ZFYVE21: variants seen among roughly 807,000 people sequenced by gnomAD.
ZFYVE21 encodes the protein zinc finger FYVE-type containing 21, also known as zinc finger FYVE domain-containing protein 21.
Under a neutral mutation model 29.5 loss-of-function variants are expected in ZFYVE21, and 21 were observed. The ratio of observed to expected loss-of-function variants is 0.71; its 90% CI spans 0.50 to 1.02. The LOEUF (loss-of-function observed/expected upper bound fraction) is 1.02. ZFYVE21 is among the 50% of genes least tolerant of loss of function. The probability of loss-of-function intolerance (pLI) is 0.00; values close to 1 mark genes in which losing one functional copy is unlikely to be tolerated. For synonymous variants in ZFYVE21, 151 were observed against 133.8 expected (o/e 1.13, Z -0.89); for missense variants, 326 against 335.4 (o/e 0.97, Z 0.22).
At chr14:103,729,206 T>G in intron 5 of ZFYVE21, 24 bp downstream of exon 5, 1 of 1,612,642 alleles carries the variant, frequency 6.2e-7, no homozygotes, top group Non-Finnish European at 8.5e-7. Flanking sequence ...CGTCCTTTCC[T>G]AAGCCAGGAG....
intron 5 of ZFYVE21, 49 bp from the exon 6 acceptor site, chr14:103,732,571 G>A (rs1472251068): frequency 1.3e-6 from 2 of 1,512,088 alleles, no homozygotes; most frequent in Non-Finnish European, 1.8e-6. Flanking sequence ...TGGCCGCCTG[G>A]GCACTCAGGG....
chr14:103,730,105 T>G, intron 5 of ZFYVE21: 1 of 512,140 alleles, frequency 2.0e-6, no homozygotes, highest in Non-Finnish European at 3.5e-6. Flanking sequence ...TCTCTGTCAG[T>G]ACCTGCCAGC....
At chr14:103,729,253 C>A in intron 5 of ZFYVE21, 71 bp downstream of exon 5, 1 of 1,528,188 alleles carries the variant, frequency 6.5e-7, no homozygotes, top group Non-Finnish European at 9.0e-7. Flanking sequence ...GAGGAGCATG[C>A]ACTTTTGGGA....
intron 6 of ZFYVE21, 46 bp from the exon 7 acceptor site, chr14:103,732,937 A>G (rs375406891): frequency 1.5e-4 from 241 of 1,613,812 alleles, no homozygotes; most frequent in Non-Finnish European, 1.9e-4. Flanking sequence ...TCCACCAGGC[A>G]CAGGACCAAG....
intron 1 of ZFYVE21, 178 bp from the exon 2 acceptor site, chr14:103,726,614 C>T (rs2083926972): frequency 1.3e-6 from 1 of 760,590 alleles, no homozygotes; most frequent in Non-Finnish European, 2.2e-6. Flanking sequence ...CGCATTGGCT[C>T]TGGAGCCTGG....
At chr14:103,726,651 C>T (rs1344971883) in intron 1 of ZFYVE21, 141 bp from the exon 2 acceptor site, 7 of 1,057,980 alleles carry the variant, frequency 6.6e-6, no homozygotes, top group Non-Finnish European at 8.6e-6. Flanking sequence ...CACCGTCCTG[C>T]GTCACAACCC....
At chr14:103,726,948 G>GTTTTTTTTTTGTTT in intron 2 of ZFYVE21, 106 bp downstream of exon 2, 2 of 660,978 alleles carry the variant, frequency 3.0e-6, no homozygotes, top group African/African-American at 4.1e-5. Flanking sequence ...CTTATGGCTC[G>GTTTTTTTTTTGTTT]TTTTTTTTTT....
chr14:103,728,073 ATAG>A, intron 3 of ZFYVE21, 159 bp downstream of exon 3: 1 of 761,992 alleles, frequency 1.3e-6, no homozygotes, highest in Non-Finnish European at 2.0e-6. Context: ...AGAAGCGGTT[ATAG>A]AGCCTTCCCT....
intron 2 of ZFYVE21, chr14:103,727,311 C>T (rs1026038784): frequency 4.1e-5 from 15 of 366,802 alleles, no homozygotes; most frequent in Non-Finnish European, 6.9e-5. Flanking sequence ...CTGATTCTGC[C>T]GGACGCTATG....
intron 5 of ZFYVE21, chr14:103,729,456 A>G (rs939979728): frequency 1.8e-6 from 1 of 568,800 alleles, no homozygotes; most frequent in South Asian, 2.2e-5. Context: ...GCTCTAACGT[A>G]TCATTCGGTT....
At chr14:103,724,057 G>T (rs920390816) in intron 1 of ZFYVE21, among the ~76,000 whole-genome samples, 4 of 152,228 alleles carry the variant, frequency 2.6e-5, no homozygotes, top group Non-Finnish European at 5.9e-5. Flanking sequence ...GCAGGGAAGA[G>T]TCCCCATGCC....
Position 103,727,821 on chromosome 14 carries a change from T to C in ZFYVE21, c.265T>C (p.Phe89Leu). The C allele has an allele frequency of 6.2e-7, 1 of 1,613,176 alleles. No individual in the cohort carries two copies. Among genetic ancestry groups the C allele is most frequent in the Non-Finnish European group, 8.5e-7 (1 of 1,179,918 alleles). The part of the protein sequence containing the change: ...SQKVPLRRMC[F>L]VDPVRQCAEC... ...GAAGGTGCCGCTGCGGCGCATGTGCTTTGTGGACCCCGTGCGGCAGTGCGC... is the reference window on the plus strand; with the variant it reads ...GAAGGTGCCGCTGCGGCGCATGTGCCTTGTGGACCCCGTGCGGCAGTGCGC... The change falls in exon 3 of 7, where the codon TTT (phenylalanine) becomes CTT (leucine). Residue 89 changes from phenylalanine (F) to leucine (L), a missense_variant. Physicochemically the swap from Phe to Leu is conservative, Grantham distance 22 (BLOSUM62 0). Coordinates refer to ENST00000311141, the MANE Select transcript of ZFYVE21 (RefSeq NM_024071.4).
intron 5 of ZFYVE21, chr14:103,729,989 G>A: frequency 1.1e-6 from 1 of 925,062 alleles, no homozygotes; most frequent in Non-Finnish European, 1.6e-6. Context: ...ACTTAAGAGA[G>A]ATGTTGGATC....
chr14:103,722,823 A>T (rs984474550), intron 1 of ZFYVE21, among the ~76,000 whole-genome samples: 2 of 151,994 alleles, frequency 1.3e-5, no homozygotes, highest in Non-Finnish European at 2.9e-5. Flanking sequence ...AAAAAAAAAA[A>T]AATGTTCGTA....
At chr14:103,729,841 C>T (rs1434712567) in intron 5 of ZFYVE21, 3 of 1,536,168 alleles carry the variant, frequency 2.0e-6, no homozygotes, top group Non-Finnish European at 2.6e-6. Flanking sequence ...CAGCCTGCCT[C>T]TGAAGGTCAG....
chr14:103,715,993 G>A lies in ZFYVE21; in HGVS notation c.138+14G>A, dbSNP rs916677600. The stretch of plus-strand genomic sequence containing the variant: ...CCGGACAAGGAGGTGGGTGGCCGTC[G>A]CCCCGGCCAGCGCCTCCGACCCGCC... On this transcript the variant is annotated intron_variant, in intron 1 of 6. Coordinates refer to ENST00000311141, the MANE Select transcript of ZFYVE21 (RefSeq NM_024071.4). 24 of 1,242,266 alleles carry A rather than the reference G, an allele frequency of 1.9e-5. No individual in the cohort carries two copies. The highest frequency in any genetic ancestry group is 2.4e-5 in the Non-Finnish European group (24 of 983,890). The allele number at this position is 1,242,266 out of a possible 1,614,324, so 77.0% of individuals were successfully genotyped here.
chr14:103,723,502 A>G (rs906116587), intron 1 of ZFYVE21, among the ~76,000 whole-genome samples: 2 of 152,226 alleles, frequency 1.3e-5, no homozygotes, highest in African/African-American at 4.8e-5. Flanking sequence ...AGCAAAGGGA[A>G]ACAAAAAAAG....
chr14:103,733,327 C>T lies in ZFYVE21; in HGVS notation c.*309C>T. The T allele has an allele frequency of 3.2e-6, 1 of 313,852 alleles. No homozygotes were observed. Among genetic ancestry groups the T allele is most frequent in the Non-Finnish European group, 6.0e-6 (1 of 166,798 alleles). 19.4% of individuals were successfully genotyped at this position (313,852 alleles called of 1,614,324 possible). On this transcript the variant is annotated 3_prime_UTR_variant, in exon 7 of 7. Coordinates refer to ENST00000311141, the MANE Select transcript of ZFYVE21 (RefSeq NM_024071.4). ...AATATATACCATTTTTATGAGTTCGCAGGTCTACTAGAAGGTTCTGGCCCA... is the reference window on the plus strand; with the variant it reads ...AATATATACCATTTTTATGAGTTCGTAGGTCTACTAGAAGGTTCTGGCCCA...
chr14:103,732,472 C>T (rs2083990521), intron 5 of ZFYVE21, 148 bp from the exon 6 acceptor site: 1 of 934,398 alleles, frequency 1.1e-6, no homozygotes, highest in South Asian at 2.3e-5. Flanking sequence ...ATGGTGTTCC[C>T]TGGGTGCTCC....
Sources: allele counts gnomAD v4.1 joint callset (sites outside exome capture counted in the v4.1 genomes callset), GRCh38; gene constraint gnomAD v4.1.1; transcripts MANE v1.5; gene names NCBI Gene and HGNC (gene_info 2026-07-23, HGNC 2026-07-21).